The following BACE2 variants were observed in gnomAD, a reference collection of about 807,000 sequenced individuals.
BACE2 encodes beta-secretase 2, also known as 56 kDa aspartic-like protease.
A neutral mutation model predicts 46.2 loss-of-function variants in BACE2; 17 were observed. The ratio of observed to expected loss-of-function variants is 0.37; its 90% CI spans 0.25 to 0.55. The LOEUF (loss-of-function observed/expected upper bound fraction) is 0.55, where lower values mean the gene tolerates loss of function less well. Among genes scored for constraint, BACE2 ranks in the 20% least tolerant of loss-of-function variants. BACE2 has a pLI of 0.82. For synonymous variants in BACE2, 277 were observed against 295.9 expected, an observed-to-expected ratio of 0.94 and a Z score of 0.66; for missense variants, 595 against 698.1, an observed-to-expected ratio of 0.85 and a Z score of 1.66.
rs145084577 is a variant in BACE2 at position 41,193,374 on chromosome 21, A to G, written c.312+24799A>G. Among the ~76,000 whole-genome samples, 130 of 152,348 alleles carry G rather than the reference A, an allele frequency of 8.5e-4. No individual in the cohort carries two copies. The highest frequency in any genetic ancestry group is 3.0e-3 in the African/African-American group (124 of 41,582). The stretch of plus-strand genomic sequence containing the variant: ...AACCACATCTGGTACAGCAGCTGCA[A>G]TTGGAGTCACCACTTGGTTAAGCTT... On this transcript the variant is annotated intron_variant, in intron 1 of 8. Coordinates refer to ENST00000330333, the MANE Select transcript of BACE2 (RefSeq NM_012105.5). This position sits in a 1 kb window ranked among gnomAD's most constrained non-coding sequence, Gnocchi z 4.2.
At chr21:41,204,575 C>T (rs766782917) in intron 1 of BACE2, among the ~76,000 whole-genome samples, 1 of 152,224 alleles carries the variant, frequency 6.6e-6, no homozygotes, top group African/African-American at 2.4e-5. Context: ...TTAACACTCA[C>T]GTTCAAGGGC....
chr21:41,195,133 C>A (rs537537359), intron 1 of BACE2, among the ~76,000 whole-genome samples: 110 of 152,358 alleles, frequency 7.2e-4, no homozygotes, highest in Admixed American at 1.3e-3. Flanking sequence ...TGGAACACAA[C>A]CATGCTGGGG....
intron 1 of BACE2, among the ~76,000 whole-genome samples, chr21:41,210,448 C>G (rs1986262360): frequency 6.6e-6 from 1 of 152,140 alleles, no homozygotes; most frequent in Non-Finnish European, 1.5e-5. Context: ...TCACGCCAGG[C>G]AAGGGTTGAG....
At chr21:41,225,909 C>G (rs969835047) in intron 1 of BACE2, among the ~76,000 whole-genome samples, 4 of 152,076 alleles carry the variant, frequency 2.6e-5, no homozygotes, top group African/African-American at 9.7e-5. Context: ...AGGGTGAGCC[C>G]AGTGGAGGGC....
At chr21:41,205,591 G>A (rs1366751249) in intron 1 of BACE2, among the ~76,000 whole-genome samples, 1 of 152,174 alleles carries the variant, frequency 6.6e-6, no homozygotes, top group African/African-American at 2.4e-5. Flanking sequence ...TACTTCTGTT[G>A]TGTCTTACAT....
chr21:41,243,321 T>C, intron 4 of BACE2, 55 bp from the exon 5 acceptor site: 1 of 1,454,092 alleles, frequency 6.9e-7, no homozygotes, highest in Non-Finnish European at 9.2e-7. Flanking sequence ...CTGTGTAACC[T>C]GTTGATATGT....
intron 1 of BACE2, among the ~76,000 whole-genome samples, chr21:41,223,863 G>A (rs1045932042): frequency 6.6e-6 from 1 of 152,170 alleles, no homozygotes; most frequent in Non-Finnish European, 1.5e-5. Flanking sequence ...ACATGCGGAT[G>A]GCATTTAAAG....
intron 1 of BACE2, among the ~76,000 whole-genome samples, chr21:41,174,752 T>C (rs1000019718): frequency 6.6e-6 from 1 of 152,146 alleles, no homozygotes; most frequent in African/African-American, 2.4e-5. Context: ...GACCTGAGGC[T>C]CCTATGACTG....
chr21:41,168,229 T>C lies in BACE2; in HGVS notation c.-35T>C, dbSNP rs1984450780. ...GGCTGCCGGACGGGACGGGACCGGC[T>C]AGGCTGGGCGCGCCCCCCGGGCCCC... On this transcript the variant is annotated 5_prime_UTR_variant, in exon 1 of 9. Transcript: ENST00000330333. The C allele has an allele frequency of 3.6e-6, 4 of 1,114,016 alleles. No homozygotes were observed. The highest frequency in any genetic ancestry group is 4.9e-5 in the Admixed American group (1 of 20,230). 69.0% of individuals were successfully genotyped at this position (1,114,016 alleles called of 1,614,324 possible). A position where few individuals can be genotyped will look rare whatever the true frequency, so the allele number is the denominator to read the frequency against.
At chr21:41,269,154 A>G (rs1003061220) in intron 8 of BACE2, among the ~76,000 whole-genome samples, 2 of 152,118 alleles carry the variant, frequency 1.3e-5, no homozygotes, top group Admixed American at 6.5e-5. Context: ...GGGTTTCTCC[A>G]TGTTGGTCAA....
chr21:41,190,065 GGT>G (rs1296429707), intron 1 of BACE2, among the ~76,000 whole-genome samples: 1 of 152,036 alleles, frequency 6.6e-6, no homozygotes, highest in African/African-American at 2.4e-5. Flanking sequence ...CCAGATTAAG[GGT>G]GGGTCTGCCT....
chr21:41,209,742 G>A (rs1463776714), intron 1 of BACE2, among the ~76,000 whole-genome samples: 1 of 152,126 alleles, frequency 6.6e-6, no homozygotes, highest in Non-Finnish European at 1.5e-5. Context: ...TAGAATCTCG[G>A]TCCAGCACAC....
rs2088511724 is a variant in BACE2, at chr21:41,278,352, T to G, written c.*2728T>G. Reference sequence around the variant, plus strand: ...TGGGGACCAATTCTATTTTTATTCTTGGGAATTTGAAAGAGCCACAAGTGA... The same window carrying G: ...TGGGGACCAATTCTATTTTTATTCTGGGGAATTTGAAAGAGCCACAAGTGA... On this transcript the variant is annotated 3_prime_UTR_variant, in exon 9 of 9. Coordinates refer to ENST00000330333, the MANE Select transcript of BACE2 (RefSeq NM_012105.5). 1 of 152,232 alleles carries G rather than the reference T, an allele frequency of 6.6e-6. No individual in the cohort carries two copies. The highest frequency in any genetic ancestry group is 1.5e-5 in the Non-Finnish European group (1 of 68,040). The allele number at this position is 152,232 out of a possible 1,614,324, so 9.4% of individuals were successfully genotyped here.
intron 2 of BACE2, among the ~76,000 whole-genome samples, chr21:41,228,245 G>A (rs568083192): frequency 1.3e-5 from 2 of 152,316 alleles, no homozygotes; most frequent in African/African-American, 2.4e-5. Flanking sequence ...CTCTGGCTCC[G>A]TGGTGCTGGT....
At chr21:41,198,426 T>C (rs1206436099) in intron 1 of BACE2, among the ~76,000 whole-genome samples, 1 of 152,148 alleles carries the variant, frequency 6.6e-6, no homozygotes, top group East Asian at 1.9e-4. Context: ...CTGAGTTGAG[T>C]CGTAGTGTAT....
intron 1 of BACE2, chr21:41,185,136 C>G (rs1386340093): frequency 6.0e-6 from 1 of 167,062 alleles, no homozygotes; most frequent in Non-Finnish European, 1.5e-5. Context: ...TTTATTAGCC[C>G]AAGTTTAGCA....
chr21:41,198,457 C>T (rs1414133729), intron 1 of BACE2, among the ~76,000 whole-genome samples: 1 of 152,166 alleles, frequency 6.6e-6, no homozygotes, highest in Non-Finnish European at 1.5e-5. Flanking sequence ...AGGCTAGATC[C>T]TAGAATATCA....
intron 8 of BACE2, among the ~76,000 whole-genome samples, chr21:41,263,138 T>C (rs955023600): frequency 6.6e-6 from 1 of 152,192 alleles, no homozygotes; most frequent in East Asian, 1.9e-4. Flanking sequence ...GTCCTAAATT[T>C]AGGGATTTCC....
intron 1 of BACE2, among the ~76,000 whole-genome samples, chr21:41,224,892 T>G (rs1463310755): frequency 1.3e-5 from 2 of 152,188 alleles, no homozygotes; most frequent in Non-Finnish European, 2.9e-5. Context: ...TATAACTTGG[T>G]GGACCCACAT....
Sources: allele counts gnomAD v4.1 joint callset (sites outside exome capture counted in the v4.1 genomes callset), GRCh38; gene constraint gnomAD v4.1.1; non-coding constraint Gnocchi (gnomAD v3.1); transcripts MANE v1.5; gene names NCBI Gene and HGNC (gene_info 2026-07-23, HGNC 2026-07-21).